Variants in FARS2 observed in about 807,000 individuals in gnomAD.
FARS2 encodes phenylalanyl-tRNA synthetase 2, mitochondrial.
A neutral mutation model predicts 46.4 loss-of-function variants in FARS2; 40 were observed. The ratio of observed to expected loss-of-function variants is 0.86; its 90% CI spans 0.67 to 1.12. The LOEUF (loss-of-function observed/expected upper bound fraction) is 1.12. FARS2 is among the 50% of genes most tolerant of loss of function. The pLI, the probability that FARS2 is intolerant of heterozygous loss-of-function variation, is 0.00. For missense variants in FARS2, 513 were observed against 567.9 expected (o/e 0.90, Z 0.98); for synonymous variants, 234 against 214.9 (o/e 1.09, Z -0.78).
chr6:5,309,172 G>A (rs1424101094), intron 1 of FARS2, among the ~76,000 whole-genome samples: 1 of 152,160 alleles, frequency 6.6e-6, no homozygotes, highest in East Asian at 1.9e-4. Context: ...GGTTGTCTCT[G>A]CCTTTCAGAT....
At chr6:5,498,944 C>G (rs1217990722) in intron 4 of FARS2, among the ~76,000 whole-genome samples, 1 of 152,120 alleles carries the variant, frequency 6.6e-6, no homozygotes, top group Non-Finnish European at 1.5e-5. Flanking sequence ...GTCACCCAGG[C>G]TGGAGTGCAG....
At chr6:5,402,223 CT>C (rs904650131) in intron 2 of FARS2, among the ~76,000 whole-genome samples, 27 of 147,076 alleles carry the variant, frequency 1.8e-4, no homozygotes, top group Admixed American at 6.8e-4. Flanking sequence ...GATTTTATTT[CT>C]TTTTTTTTTC....
At chr6:5,723,307 G>A (rs770336893) in intron 6 of FARS2, among the ~76,000 whole-genome samples, 23 of 152,150 alleles carry the variant, frequency 1.5e-4, no homozygotes, top group Admixed American at 7.9e-4. Context: ...TTTACATGCC[G>A]TTTGATTTCT....
At chr6:5,584,520 C>A (rs1005975948) in intron 5 of FARS2, among the ~76,000 whole-genome samples, 15 of 152,110 alleles carry the variant, frequency 9.9e-5, no homozygotes, top group African/African-American at 1.4e-4. Context: ...CTCCTCCCAG[C>A]CTTCCTCTTT....
At chr6:5,363,965 G>C (rs758447556) in intron 1 of FARS2, among the ~76,000 whole-genome samples, 1 of 152,072 alleles carries the variant, frequency 6.6e-6, no homozygotes. Context: ...AATATAACTC[G>C]AATTGCCTTA....
chr6:5,363,139 G>A (rs1398733386), intron 1 of FARS2, among the ~76,000 whole-genome samples: 1 of 151,850 alleles, frequency 6.6e-6, no homozygotes, highest in Non-Finnish European at 1.5e-5. Flanking sequence ...TGTTAGCCAG[G>A]ATGGTCTCGT....
chr6:5,458,505 A>G (rs1039092041), intron 4 of FARS2, among the ~76,000 whole-genome samples: 4 of 152,182 alleles, frequency 2.6e-5, no homozygotes, highest in African/African-American at 9.6e-5. Flanking sequence ...CACCTCCCCC[A>G]TAACTGCTAA....
chr6:5,524,561 G>T (rs1769344575), intron 4 of FARS2, among the ~76,000 whole-genome samples: 1 of 152,258 alleles, frequency 6.6e-6, no homozygotes, highest in African/African-American at 2.4e-5. Context: ...ACACAGAGCT[G>T]TCTGATGATA....
intron 4 of FARS2, among the ~76,000 whole-genome samples, chr6:5,440,678 T>A (rs1334847207): frequency 1.3e-5 from 2 of 152,110 alleles, no homozygotes; most frequent in Non-Finnish European, 2.9e-5. Flanking sequence ...TGTATACTGG[T>A]GTTTTGTTGT....
rs17141250 is a variant in FARS2 at position 5,765,978 on chromosome 6, C to A, written c.1218-5313C>A. Among the ~76,000 whole-genome samples the A allele has an allele frequency of 0.052, 7,960 of 152,268 alleles. 459 individuals are homozygous for A. The highest frequency in any genetic ancestry group is 0.18 in the East Asian group (933 of 5,182). On this transcript the variant is annotated intron_variant, in intron 6 of 6. Coordinates refer to ENST00000274680, the MANE Select transcript of FARS2 (RefSeq NM_006567.5). This position sits in a 1 kb window ranked among gnomAD's most constrained non-coding sequence, Gnocchi z 4.0. ...CAAAATCTTTAAAAAAAATCAAACT[C>A]TATCCAGTGACCAACTCATTTTAGC...
At chr6:5,712,025 A>G (rs1164237174) in intron 6 of FARS2, among the ~76,000 whole-genome samples, 1 of 152,254 alleles carries the variant, frequency 6.6e-6, no homozygotes, top group Non-Finnish European at 1.5e-5. Context: ...TAAAAAGTTT[A>G]TTAAAAAGTA....
intron 5 of FARS2, among the ~76,000 whole-genome samples, chr6:5,578,808 C>CAAAAAAAAAAAAAAAAAAAAAAA (rs56248218): frequency 3.2e-5 from 4 of 124,374 alleles, no homozygotes; most frequent in African/African-American, 6.4e-5. Flanking sequence ...CACTCCGTCT[C>CAAAAAAAAAAAAAAAAAAAAAAA]AAAAAAAAAA....
intron 1 of FARS2, among the ~76,000 whole-genome samples, chr6:5,316,691 C>G (rs936021883): frequency 1.3e-5 from 2 of 152,326 alleles, no homozygotes; most frequent in East Asian, 3.9e-4. Context: ...CCCAGAGCCG[C>G]CACACTTTCA....
chr6:5,691,240 G>A (rs570995293), intron 6 of FARS2, among the ~76,000 whole-genome samples: 3 of 152,318 alleles, frequency 2.0e-5, no homozygotes, highest in South Asian at 2.1e-4. Flanking sequence ...GAGGAGCTGC[G>A]TTCCTTTGGA....
At chr6:5,760,853 T>C (rs1271264858) in intron 6 of FARS2, among the ~76,000 whole-genome samples, 4 of 152,250 alleles carry the variant, frequency 2.6e-5, no homozygotes, top group African/African-American at 9.6e-5. Context: ...GAAACTGCTC[T>C]GATCGCTCCT....
rs560545530 is a variant in FARS2 at position 5,505,735 on chromosome 6, C to T, written c.905-39445C>T. On this transcript the variant is annotated intron_variant, in intron 4 of 6. Transcript: ENST00000274680. The stretch of plus-strand genomic sequence containing the variant: ...TGAACAATCATGTTTCTCAACTTTG[C>T]ACTTGAGGAGCAGAGGTAGCCAGTC... Among the ~76,000 whole-genome samples the T allele has an allele frequency of 2.0e-5, 3 of 152,246 alleles. No individual in the cohort carries two copies. The South Asian group carries it at 6.2e-4, about 32-fold the overall frequency.
chr6:5,296,962 A>T (rs1292514692), intron 1 of FARS2, among the ~76,000 whole-genome samples: 2 of 152,232 alleles, frequency 1.3e-5, no homozygotes, highest in African/African-American at 2.4e-5. Context: ...GCTTGATCAT[A>T]TGATAATTCT....
chr6:5,553,190 G>A (rs891229545), intron 5 of FARS2, among the ~76,000 whole-genome samples: 2 of 152,048 alleles, frequency 1.3e-5, no homozygotes, highest in African/African-American at 4.8e-5. Flanking sequence ...CTCTTCTGAG[G>A]CCACAGACTA....
At chr6:5,452,347 G>T (rs1026931176) in intron 4 of FARS2, 5 of 152,314 alleles carry the variant, frequency 3.3e-5, no homozygotes, top group African/African-American at 1.2e-4. Flanking sequence ...AAATCACGTG[G>T]TGAGGTCCAC....
Sources: allele counts gnomAD v4.1 joint callset (sites outside exome capture counted in the v4.1 genomes callset), GRCh38; gene constraint gnomAD v4.1.1; non-coding constraint Gnocchi (gnomAD v3.1); transcripts MANE v1.5; gene names NCBI Gene and HGNC (gene_info 2026-07-23, HGNC 2026-07-21).